The following DRC8 variants were observed in gnomAD, a reference collection of about 807,000 sequenced individuals.
DRC8 encodes the protein dynein regulatory complex protein 8.
the DRC8 span, among the ~76,000 whole-genome samples, chr1:245,120,476 G>A: frequency 6.6e-6 from 1 of 152,110 alleles, no homozygotes. Flanking sequence ...TGATTTATTT[G>A]TTTATTATTT....
the DRC8 span, among the ~76,000 whole-genome samples, chr1:245,095,309 C>T: frequency 6.6e-6 from 1 of 152,184 alleles, no homozygotes; most frequent in Non-Finnish European, 1.5e-5. Context: ...CTACACCCCG[C>T]TGGAGGGAGA....
At chr1:245,069,749 T>C in the DRC8 span, among the ~76,000 whole-genome samples, 1 of 152,096 alleles carries the variant, frequency 6.6e-6, no homozygotes, top group Admixed American at 6.6e-5. Flanking sequence ...CACTTAAAAA[T>C]GGTGAAGATG....
chr1:245,001,724 A>G, the DRC8 span, among the ~76,000 whole-genome samples: 1 of 152,256 alleles, frequency 6.6e-6, no homozygotes, highest in Non-Finnish European at 1.5e-5. Flanking sequence ...ATGAAGTTGA[A>G]GGCACAGGTT....
the DRC8 span, chr1:245,087,104 G>A: frequency 2.4e-6 from 3 of 1,247,068 alleles, no homozygotes; most frequent in African/African-American, 1.5e-5. Context: ...CTGTCGTGAT[G>A]TCCTGGCTCT....
chr1:245,123,156 G>A, the DRC8 span: 10 of 152,310 alleles, frequency 6.6e-5, no homozygotes, highest in African/African-American at 1.9e-4. The surrounding 1 kb of genome is among the most constrained non-coding windows in gnomAD (Gnocchi z 5.0). Context: ...TACAGTTCCA[G>A]CAGTCAAAAC....
chr1:245,058,564 G>T, the DRC8 span, among the ~76,000 whole-genome samples: 1 of 152,178 alleles, frequency 6.6e-6, no homozygotes, highest in Non-Finnish European at 1.5e-5. Context: ...AACTACTCTA[G>T]TTAAGTGAAT....
chr1:244,969,760 T>A, the DRC8 span: 4 of 220,830 alleles, frequency 1.8e-5, no homozygotes, highest in African/African-American at 9.1e-5. Flanking sequence ...TAGCTTCGGT[T>A]GTCATAGGCT....
chr1:244,992,594 G>A, the DRC8 span, among the ~76,000 whole-genome samples: 12 of 152,054 alleles, frequency 7.9e-5, no homozygotes, highest in Non-Finnish European at 1.8e-4. Context: ...CAAAAAATTA[G>A]CTAGGCATGG....
chr1:245,035,881 AG>A, the DRC8 span, among the ~76,000 whole-genome samples: 10 of 134,200 alleles, frequency 7.5e-5, no homozygotes, highest in African/African-American at 2.3e-4. Context: ...AAAAAAAAAA[AG>A]AAGAAGAAGA....
chr1:244,990,739 A>G, the DRC8 span, among the ~76,000 whole-genome samples: 1 of 151,624 alleles, frequency 6.6e-6, no homozygotes, highest in South Asian at 2.1e-4. Context: ...AGGCTCAAGC[A>G]GTCTTCCCAC....
chr1:245,056,803 G>A, the DRC8 span, among the ~76,000 whole-genome samples: 1 of 151,886 alleles, frequency 6.6e-6, no homozygotes, highest in African/African-American at 2.4e-5. Context: ...TGGGCGTGGC[G>A]GCCCATGCCT....
At chr1:245,071,558 CAA>C in the DRC8 span, among the ~76,000 whole-genome samples, 4 of 152,142 alleles carry the variant, frequency 2.6e-5, no homozygotes, top group Non-Finnish European at 4.4e-5. Context: ...TTGAAATTGG[CAA>C]AGAGTTTCTA....
the DRC8 span, among the ~76,000 whole-genome samples, chr1:245,011,192 A>G: frequency 6.6e-6 from 1 of 152,202 alleles, no homozygotes; most frequent in Non-Finnish European, 1.5e-5. Flanking sequence ...AGATGAAACA[A>G]AGTTTCTCTA....
chr1:245,087,741 G>C, the DRC8 span: 1 of 989,958 alleles, frequency 1.0e-6, no homozygotes, highest in Non-Finnish European at 1.2e-6. Flanking sequence ...ACTCGAAAAC[G>C]AGTAGCAGTG....
the DRC8 span, chr1:245,124,496 A>G: frequency 6.6e-6 from 1 of 152,206 alleles, no homozygotes; most frequent in African/African-American, 2.4e-5. Flanking sequence ...ACAGAAATAT[A>G]GTTGTAAGTA....
the DRC8 span, among the ~76,000 whole-genome samples, chr1:245,044,641 C>T: frequency 1.3e-5 from 2 of 151,808 alleles, no homozygotes; most frequent in African/African-American, 4.8e-5. Context: ...GCAGTGGCAC[C>T]ATCTCGGCTC....
the DRC8 span, chr1:245,023,106 A>G: frequency 6.6e-6 from 1 of 152,260 alleles, no homozygotes. Context: ...TTTGTGAAGC[A>G]TTCCATTTTT....
At chr1:244,985,471 C>T in the DRC8 span, among the ~76,000 whole-genome samples, 3 of 152,192 alleles carry the variant, frequency 2.0e-5, no homozygotes, top group African/African-American at 7.2e-5. Context: ...TGAGTCCTTA[C>T]TTACCGTGTT....
At chr1:244,973,486 T>C in the DRC8 span, among the ~76,000 whole-genome samples, 1 of 152,188 alleles carries the variant, frequency 6.6e-6, no homozygotes, top group Non-Finnish European at 1.5e-5. Flanking sequence ...AAAGACAGCT[T>C]ATGAGATTTT....
Sources: allele counts gnomAD v4.1 joint callset (sites outside exome capture counted in the v4.1 genomes callset), GRCh38; gene constraint gnomAD v4.1.1; non-coding constraint Gnocchi (gnomAD v3.1); transcripts MANE v1.5; gene names NCBI Gene and HGNC (gene_info 2026-07-23, HGNC 2026-07-21).